LEPR: variants seen among roughly 807,000 people sequenced by gnomAD.
LEPR encodes leptin receptor, also known as OB receptor.
LEPR carries 56 observed loss-of-function variants against 114.7 expected under a neutral mutation model. The observed-to-expected ratio is 0.49, with a 90% CI of 0.39 to 0.61. The LOEUF (loss-of-function observed/expected upper bound fraction) is 0.61. LEPR is among the 20% of genes least tolerant of loss of function. The pLI is 0.00. For missense variants in LEPR, 1,202 were observed against 1,352.9 expected, an observed-to-expected ratio of 0.89 and a Z score of 1.75; for synonymous variants, 443 against 461.4, an observed-to-expected ratio of 0.96 and a Z score of 0.51.
At position 65,451,892 on chromosome 1, in the gene LEPR, G is replaced by C. The variant is rs376131811; in HGVS notation, c.-21+26514G>C. 3.3e-5 allele frequency among the ~76,000 whole-genome samples: 5 copies of C among 151,872 alleles called. 1 individual carries two copies. On this transcript the variant is annotated intron_variant, in intron 2 of 19. Transcript: ENST00000349533. ...GCGGTATGGCCATTTTCACAATATT[G>C]ATTCTTCCTACCCATGAGCATGGAA... is the stretch of plus-strand genomic sequence containing the variant.
At chr1:65,540,752 A>G (rs1651133912) in intron 2 of LEPR, among the ~76,000 whole-genome samples, 1 of 152,282 alleles carries the variant, frequency 6.6e-6, no homozygotes, top group Admixed American at 6.5e-5. Context: ...TCGCTCTCTC[A>G]TTCACTCTTG....
intron 2 of LEPR, among the ~76,000 whole-genome samples, chr1:65,518,585 T>C (rs1322515794): frequency 6.6e-6 from 1 of 152,234 alleles, no homozygotes; most frequent in Non-Finnish European, 1.5e-5. Flanking sequence ...TTCACCGTTC[T>C]TTCCCTAATT....
At position 65,637,311 on chromosome 1, in the gene LEPR, G is replaced by GT. The variant is rs1260278547; in HGVS notation, c.*302dup. 1.1e-5 allele frequency: 3 copies of GT among 276,536 alleles called. No homozygotes were observed. The highest frequency in any genetic ancestry group is 2.1e-5 in the Non-Finnish European group (3 of 145,178). 17.1% of individuals were successfully genotyped at this position (276,536 alleles called of 1,614,324 possible). On this transcript the variant is annotated 3_prime_UTR_variant, in exon 20 of 20. Transcript: ENST00000349533. ...ACACCATCTTTTGTGAGATGTAATT[G>GT]TTTTTTCAGAGGGCGTGTTGTTTTA...
intron 2 of LEPR, among the ~76,000 whole-genome samples, chr1:65,511,279 A>G (rs1269842832): frequency 6.6e-6 from 1 of 152,132 alleles, no homozygotes; most frequent in African/African-American, 2.4e-5. Flanking sequence ...GACCACCAAC[A>G]TCCACACAAC....
At chr1:65,618,346 G>A (rs768062813) in intron 16 of LEPR, among the ~76,000 whole-genome samples, 200 bp downstream of exon 16, 13 of 128,648 alleles carry the variant, frequency 1.0e-4, no homozygotes, top group Non-Finnish European at 1.7e-4. Flanking sequence ...TTTTCTTTTC[G>A]GCAGGGTCTC....
Position 65,636,927 on chromosome 1 carries a change from C to CT in LEPR, c.3414dup (p.Ala1139CysfsTer16). 1 of 1,608,130 alleles carries CT rather than the reference C, an allele frequency of 6.2e-7. No homozygotes were observed. Among genetic ancestry groups the CT allele is most frequent in the Non-Finnish European group, 8.5e-7 (1 of 1,177,904 alleles). On this transcript the variant is annotated frameshift_variant, in exon 20 of 20. Transcript: ENST00000349533. LOFTEE classifies it high-confidence loss of function. The stretch of plus-strand genomic sequence containing the variant: ...AACTTAGGAACTTCTAGTAAGAAGA[C>CT]TTTTGCATCTTACATGCCTCAATTC...
At chr1:65,472,352 C>T (rs1647094753) in intron 2 of LEPR, among the ~76,000 whole-genome samples, 1 of 150,958 alleles carries the variant, frequency 6.6e-6, no homozygotes, top group Non-Finnish European at 1.5e-5. Flanking sequence ...AGTCTTTCCC[C>T]TTCCATTTCT....
chr1:65,511,072 C>T (rs146474236), intron 2 of LEPR, among the ~76,000 whole-genome samples: 173 of 152,212 alleles, frequency 1.1e-3, no homozygotes, highest in African/African-American at 4.1e-3. Context: ...AGAAAAATTG[C>T]AAAGATAGTA....
chr1:65,469,798 CACCAATAAGTGCGTG>C (rs1647060142), intron 2 of LEPR, among the ~76,000 whole-genome samples: 1 of 152,202 alleles, frequency 6.6e-6, no homozygotes, highest in Non-Finnish European at 1.5e-5. Flanking sequence ...TGAGCTTTAA[CACCAATAAGTGCGTG>C]CCGTATTCAT....
In LEPR at chr1:65,601,405, T is replaced by C. The variant is rs979245274; in HGVS notation, c.1008T>C (p.Phe336=). The C allele has an allele frequency of 4.3e-6, 7 of 1,612,948 alleles. No homozygotes were observed. The highest frequency in any genetic ancestry group is 5.9e-6 in the Non-Finnish European group (7 of 1,179,536). ...CCCTCATTACAGATGTCATATACTT[T>C]CCACCTAAAATTCTGACAAGTGTTG... ...RVFTTQDVIY[F]PPKILTSVGS... is the part of the protein sequence containing the mutation. The change falls in exon 9 of 20, where the codon TTT becomes TTC. Residue 336 remains phenylalanine, a synonymous_variant. Coordinates refer to ENST00000349533, the MANE Select transcript of LEPR (RefSeq NM_002303.6).
At chr1:65,626,701 G>A (rs1271112617) in intron 19 of LEPR, among the ~76,000 whole-genome samples, 3 of 152,002 alleles carry the variant, frequency 2.0e-5, no homozygotes, top group Non-Finnish European at 2.9e-5. Context: ...GGAGCGCAGC[G>A]GTGAGATCTC....
chr1:65,607,718 A>T (rs1570804926), intron 11 of LEPR, among the ~76,000 whole-genome samples: 1 of 152,300 alleles, frequency 6.6e-6, no homozygotes, highest in East Asian at 1.9e-4. Context: ...AGTTTAAAAT[A>T]TGCCACATTT....
intron 2 of LEPR, chr1:65,431,983 C>T: frequency 3.9e-6 from 6 of 1,520,130 alleles, no homozygotes; most frequent in Non-Finnish European, 5.3e-6. Context: ...TACATGTGCA[C>T]ATGCGGCATT....
chr1:65,435,365 TC>T lies in LEPR; in HGVS notation c.-21+9988del, dbSNP rs1207852381. ...GTGTCACAAAATGTGCCTTTTCTTT[TC>T]TTTTTTTTTTTTTTTTTTTGAGGCA... is the stretch of plus-strand genomic sequence containing the variant. On this transcript the variant is annotated intron_variant, in intron 2 of 19. Coordinates refer to ENST00000349533, the MANE Select transcript of LEPR (RefSeq NM_002303.6). The T allele has an allele frequency of 1.3e-5, 12 of 901,222 alleles. No homozygotes were observed. In the African/African-American group the frequency reaches 2.2e-4, roughly 17 times the overall value. The allele number at this position is 901,222 out of a possible 1,614,324, so 55.8% of individuals were successfully genotyped here.
At chr1:65,591,487 T>G (rs1655694620) in intron 5 of LEPR, among the ~76,000 whole-genome samples, 2 of 152,096 alleles carry the variant, frequency 1.3e-5, no homozygotes, top group Non-Finnish European at 2.9e-5. Context: ...TTTTGCTTCA[T>G]GTATTTTGAA....
intron 2 of LEPR, among the ~76,000 whole-genome samples, chr1:65,511,986 G>C (rs1570585855): frequency 6.6e-6 from 1 of 152,154 alleles, no homozygotes; most frequent in Non-Finnish European, 1.5e-5. Context: ...GAAGCGTAGT[G>C]ACTTCTGCTT....
intron 2 of LEPR, among the ~76,000 whole-genome samples, chr1:65,437,586 A>G (rs1646581446): frequency 6.6e-6 from 1 of 151,914 alleles, no homozygotes; most frequent in African/African-American, 2.4e-5. Flanking sequence ...CGGAGGTTGC[A>G]GTGAGCCGAG....
At position 65,584,412 on chromosome 1, in the gene LEPR, T is replaced by C. The variant is rs138149540; in HGVS notation, c.495-8245T>C. 8.5e-3 allele frequency among the ~76,000 whole-genome samples: 1,297 copies of C among 152,240 alleles called. 6 individuals carry two copies. The highest frequency in any genetic ancestry group is 0.016 in the Admixed American group (238 of 15,284). ...TAATATACACAAATCTATATATCTA[T>C]ATATCTCTGTATGTACATGTATTAA... On this transcript the variant is annotated intron_variant, in intron 5 of 19. Coordinates refer to ENST00000349533, the MANE Select transcript of LEPR (RefSeq NM_002303.6).
Position 65,605,114 on chromosome 1 carries a change from G to A in LEPR, c.1480G>A (p.Gly494Ser), listed in dbSNP as rs1326558652. 8 of 1,613,960 alleles carry A rather than the reference G, an allele frequency of 5.0e-6. No homozygotes were observed. Among genetic ancestry groups the A allele is most frequent in the African/African-American group, 4.0e-5 (3 of 74,906 alleles). ...CAAAGATTGCTATTTGCAGAGTGATGGTTTTTATGAATGCATTTTCCAGCC... is the reference window on the plus strand; with the variant it reads ...CAAAGATTGCTATTTGCAGAGTGATAGTTTTTATGAATGCATTTTCCAGCC... ...EPKDCYLQSDGFYECIFQPIF... is the reference protein window; with the variant it reads ...EPKDCYLQSDSFYECIFQPIF... The change falls in exon 11 of 20, where the codon GGT becomes AGT. Residue 494 changes from glycine to serine, a missense_variant. Physicochemically the swap from Gly to Ser is moderately conservative, Grantham distance 56. Transcript: ENST00000349533.
Sources: gnomAD v4.1 joint callset for allele counts (sites outside exome capture counted in the v4.1 genomes callset) on GRCh38, gnomAD v4.1.1 for gene constraint, MANE v1.5 for transcripts, NCBI Gene and HGNC (gene_info 2026-07-23, HGNC 2026-07-21) for gene names.